SRRM4: variants seen among roughly 807,000 people sequenced by gnomAD.
The protein encoded by SRRM4 is serine/arginine repetitive matrix protein 4.
A neutral mutation model predicts 68.9 loss-of-function variants in SRRM4; 33 were observed. The ratio of observed to expected loss-of-function variants is 0.48; its 90% CI spans 0.36 to 0.64. The LOEUF is 0.64. Ranked by LOEUF, SRRM4 falls within the 30% of genes least tolerant of loss-of-function variation. SRRM4 has a pLI of 0.00. For synonymous variants in SRRM4, 318 were observed against 318.8 expected, an observed-to-expected ratio of 1.00 and a Z score of 0.03; for missense variants, 817 against 827.1, an observed-to-expected ratio of 0.99 and a Z score of 0.15.
intron 1 of SRRM4, among the ~76,000 whole-genome samples, chr12:119,064,702 A>G (rs1357603739): frequency 6.6e-6 from 1 of 152,210 alleles, no homozygotes; most frequent in Non-Finnish European, 1.5e-5. Context: ...CTGAGAGAAA[A>G]TATATAAATG....
rs1364890442 is a variant in SRRM4, at chr12:119,156,673, A to AGCTCCCGCAGCCCTAGTCCGG, written c.1724_1744dup (p.Pro575_Ser581dup). 8.3e-6 allele frequency: 13 copies of AGCTCCCGCAGCCCTAGTCCGG among 1,561,676 alleles called. No homozygotes were observed. The highest frequency in any genetic ancestry group is 2.7e-5 in the African/African-American group (2 of 73,230). On this transcript the variant is annotated inframe_insertion, in exon 13 of 13. Coordinates refer to ENST00000267260, the MANE Select transcript of SRRM4 (RefSeq NM_194286.4). ...CCGGACCCGCACGAGCAGCAGCTCT[A>AGCTCCCGCAGCCCTAGTCCGG]GCTCCCGCAGCCCTAGTCCGGGCTC... is the stretch of plus-strand genomic sequence containing the variant.
chr12:119,070,436 C>T (rs546951321), intron 1 of SRRM4, among the ~76,000 whole-genome samples: 5 of 152,202 alleles, frequency 3.3e-5, no homozygotes, highest in African/African-American at 4.8e-5. Flanking sequence ...TCTGCAATTT[C>T]CAAACTATAT....
chr12:119,015,269 A>G (rs771347392), intron 1 of SRRM4, among the ~76,000 whole-genome samples: 3 of 152,114 alleles, frequency 2.0e-5, no homozygotes, highest in African/African-American at 4.8e-5. Flanking sequence ...CTTTTTCTCC[A>G]TCTCCAGTGC....
At chr12:118,995,382 G>A (rs1953342794) in intron 1 of SRRM4, among the ~76,000 whole-genome samples, 1 of 152,276 alleles carries the variant, frequency 6.6e-6, no homozygotes, top group Middle Eastern at 3.4e-3. Flanking sequence ...CTGAGATAAG[G>A]AAAGATGAGA....
chr12:119,152,865 T>C (rs538104357), intron 10 of SRRM4, among the ~76,000 whole-genome samples: 3 of 152,348 alleles, frequency 2.0e-5, no homozygotes, highest in Admixed American at 1.3e-4. Flanking sequence ...ATTAGTCATG[T>C]AGATGCACAA....
At chr12:119,106,977 A>T (rs1365936340) in intron 2 of SRRM4, among the ~76,000 whole-genome samples, 1 of 152,200 alleles carries the variant, frequency 6.6e-6, no homozygotes, top group Non-Finnish European at 1.5e-5. Flanking sequence ...ATTTTGAGAT[A>T]TGTCCCATCC....
Position 119,102,358 on chromosome 12 carries a change from A to C in SRRM4, c.254A>C (p.Glu85Ala). The stretch of plus-strand genomic sequence containing the variant: ...TGGGAGAGAGACAAGACCTGTCGGG[A>C]ACTGGGTGCCACCAGAGGACACAGG... ...NSWERDKTCR[E>A]LGATRGHSAS... The change falls in exon 2 of 13, where the codon GAA becomes GCA. Residue 85 changes from glutamate to alanine, a missense_variant. Transcript: ENST00000267260. 1 of 1,613,034 alleles carries C rather than the reference A, an allele frequency of 6.2e-7. No individual in the cohort carries two copies. The highest frequency in any genetic ancestry group is 8.5e-7 in the Non-Finnish European group (1 of 1,179,520).
intron 1 of SRRM4, among the ~76,000 whole-genome samples, chr12:119,069,328 A>T (rs1189498575): frequency 6.6e-6 from 1 of 152,152 alleles, no homozygotes; most frequent in Non-Finnish European, 1.5e-5. Flanking sequence ...AGAATCCCCA[A>T]GGGTGGGGCC....
At chr12:119,134,382 TA>T (rs55867545) in intron 8 of SRRM4, among the ~76,000 whole-genome samples, 29,804 of 116,212 alleles carry the variant, frequency 0.26, 2,985 homozygotes, top group East Asian at 0.27. Flanking sequence ...AGAGAGATTG[TA>T]AAAAAAAAAA....
At chr12:119,032,798 A>G (rs574396967) in intron 1 of SRRM4, among the ~76,000 whole-genome samples, 3 of 152,294 alleles carry the variant, frequency 2.0e-5, no homozygotes, top group South Asian at 2.1e-4. Context: ...CCATGTAACA[A>G]TCCTTCAGAT....
At chr12:119,014,691 G>A (rs528108664) in intron 1 of SRRM4, among the ~76,000 whole-genome samples, 22 of 152,282 alleles carry the variant, frequency 1.4e-4, no homozygotes, top group African/African-American at 4.8e-4. Flanking sequence ...GAAGTGAGGA[G>A]GTAAGAAGGG....
At chr12:119,019,098 C>T (rs1190261103) in intron 1 of SRRM4, among the ~76,000 whole-genome samples, 1 of 152,210 alleles carries the variant, frequency 6.6e-6, no homozygotes, top group African/African-American at 2.4e-5. Context: ...CTCCCCAAAG[C>T]TGACAGACTG....
chr12:119,013,669 CTGT>C (rs1195731508), intron 1 of SRRM4, among the ~76,000 whole-genome samples: 1 of 151,870 alleles, frequency 6.6e-6, no homozygotes, highest in African/African-American at 2.4e-5. Flanking sequence ...TAGAACTACC[CTGT>C]TATTTTTTTA....
intron 1 of SRRM4, among the ~76,000 whole-genome samples, chr12:119,050,846 T>C (rs922248180): frequency 6.6e-6 from 1 of 152,052 alleles, no homozygotes. Context: ...TATTATTAAA[T>C]GTACTATTTA....
At chr12:119,037,252 C>A (rs1258224587) in intron 1 of SRRM4, among the ~76,000 whole-genome samples, 1 of 152,076 alleles carries the variant, frequency 6.6e-6, no homozygotes, top group African/African-American at 2.4e-5. Flanking sequence ...ATAAATGACA[C>A]CCAGACTGCA....
chr12:119,043,049 C>A (rs1240566875), intron 1 of SRRM4, among the ~76,000 whole-genome samples: 2 of 152,032 alleles, frequency 1.3e-5, no homozygotes, highest in Admixed American at 1.3e-4. Flanking sequence ...GGGTATATAT[C>A]CAGAGGAATA....
At chr12:119,097,912 T>C (rs1359242561) in intron 1 of SRRM4, among the ~76,000 whole-genome samples, 2 of 152,230 alleles carry the variant, frequency 1.3e-5, no homozygotes, top group Non-Finnish European at 2.9e-5. Flanking sequence ...GCTAAATTCC[T>C]CACAGTTCTC....
chr12:119,009,572 T>A (rs960584309), intron 1 of SRRM4, among the ~76,000 whole-genome samples: 1 of 152,248 alleles, frequency 6.6e-6, no homozygotes, highest in African/African-American at 2.4e-5. Flanking sequence ...AATTTAGTTT[T>A]GCTTCTTGCC....
At chr12:119,141,851 A>G (rs892431388) in intron 8 of SRRM4, among the ~76,000 whole-genome samples, 1 of 152,184 alleles carries the variant, frequency 6.6e-6, no homozygotes, top group Non-Finnish European at 1.5e-5. Flanking sequence ...CTCATTTTTG[A>G]ATGAGTGAGT....
Sources: gnomAD v4.1 joint callset for allele counts (sites outside exome capture counted in the v4.1 genomes callset) on GRCh38, gnomAD v4.1.1 for gene constraint, MANE v1.5 for transcripts, NCBI Gene and HGNC (gene_info 2026-07-23, HGNC 2026-07-21) for gene names.